CTNND2: variants seen among roughly 807,000 people sequenced by gnomAD.
CTNND2 encodes catenin delta 2.
In CTNND2, 22 loss-of-function variants were observed where a neutral mutation model predicts 144.4. That is an observed-to-expected ratio of 0.15 (90% CI 0.11 to 0.22). CTNND2 has a LOEUF of 0.22. Among genes scored for constraint, CTNND2 ranks in the 10% least tolerant of loss-of-function variants. The pLI, the probability that CTNND2 is intolerant of heterozygous loss-of-function variation, is 1.00. For synonymous variants in CTNND2, 751 were observed against 695.6 expected, an observed-to-expected ratio of 1.08 and a Z score of -1.25; for missense variants, 1,353 against 1,618.8, an observed-to-expected ratio of 0.84 and a Z score of 2.82.
At chr5:11,894,393 T>A (rs1399159908) in intron 1 of CTNND2, among the ~76,000 whole-genome samples, 1 of 152,216 alleles carries the variant, frequency 6.6e-6, no homozygotes, top group Non-Finnish European at 1.5e-5. Context: ...GAATTACTTC[T>A]ACGGATGGAT....
chr5:11,554,701 TTTC>T (rs1340650919), intron 3 of CTNND2, among the ~76,000 whole-genome samples: 4 of 152,086 alleles, frequency 2.6e-5, no homozygotes, highest in Non-Finnish European at 5.9e-5. Context: ...CTATCATCCT[TTTC>T]TTAAGATCAG....
chr5:11,603,510 CT>C (rs1384951563), intron 2 of CTNND2, among the ~76,000 whole-genome samples: 72 of 152,238 alleles, frequency 4.7e-4, no homozygotes, highest in African/African-American at 1.7e-3. Context: ...CACATTCCTG[CT>C]TTGACAGTGA....
chr5:11,342,081 G>GGTGT (rs142431478), intron 9 of CTNND2, among the ~76,000 whole-genome samples: 4 of 151,256 alleles, frequency 2.6e-5, no homozygotes, highest in African/African-American at 4.8e-5. Context: ...CATGCGCGTG[G>GGTGT]GTGTGTGTGT....
chr5:11,442,200 G>T (rs1244399329), intron 3 of CTNND2, among the ~76,000 whole-genome samples: 1 of 151,888 alleles, frequency 6.6e-6, no homozygotes, highest in Non-Finnish European at 1.5e-5. Context: ...TATTTATTTT[G>T]CATCTTATTA....
chr5:11,711,772 C>T (rs1786047769), intron 2 of CTNND2, among the ~76,000 whole-genome samples: 1 of 152,186 alleles, frequency 6.6e-6, no homozygotes. Context: ...CTTGATCTTT[C>T]ACACTTTGCC....
chr5:11,250,479 CTCTCTCTCTCTCTATA>C (rs1743457791), intron 9 of CTNND2, among the ~76,000 whole-genome samples: 1 of 63,634 alleles, frequency 1.6e-5, no homozygotes, highest in African/African-American at 9.5e-5. Context: ...CTCTCTCTCT[CTCTCTCTCTCTCTATA>C]TATATATATA....
At chr5:11,229,582 T>C (rs1483131192) in intron 10 of CTNND2, among the ~76,000 whole-genome samples, 1 of 151,958 alleles carries the variant, frequency 6.6e-6, no homozygotes, top group Non-Finnish European at 1.5e-5. Flanking sequence ...TATATGCCAC[T>C]TGAAAATGTG....
intron 9 of CTNND2, among the ~76,000 whole-genome samples, chr5:11,255,287 TG>T (rs1187519465): frequency 1.3e-5 from 2 of 151,804 alleles, no homozygotes; most frequent in Non-Finnish European, 2.9e-5. Flanking sequence ...AGTGAGGACT[TG>T]TCACATCGGC....
intron 2 of CTNND2, among the ~76,000 whole-genome samples, chr5:11,676,364 G>A (rs564674063): frequency 6.6e-5 from 10 of 151,960 alleles, no homozygotes; most frequent in East Asian, 3.9e-4. Flanking sequence ...TGATTTACAC[G>A]TATCATATAT....
Position 11,203,505 on chromosome 5 carries a change from C to T in CTNND2, c.1762-3844G>A, listed in dbSNP as rs529417170. Among the ~76,000 whole-genome samples, 188 of 152,192 alleles carry T rather than the reference C, an allele frequency of 1.2e-3. 1 individual carries two copies. Among genetic ancestry groups the T allele is most frequent in the African/African-American group, 4.4e-3 (181 of 41,548 alleles). ...TCACCCAGGCTGGAGTGCAGTGGCG[C>T]GATCTTGGCTCACTGCAACCTCCGC... is the stretch of plus-strand genomic sequence containing the variant. On this transcript the variant is annotated intron_variant, in intron 10 of 21. Transcript: ENST00000304623.
chr5:11,263,264 T>G (rs181587396), intron 9 of CTNND2, among the ~76,000 whole-genome samples: 1 of 152,348 alleles, frequency 6.6e-6, no homozygotes, highest in East Asian at 1.9e-4. Flanking sequence ...TTTTGTATAA[T>G]GGCCCATTTC....
intron 1 of CTNND2, among the ~76,000 whole-genome samples, chr5:11,858,040 A>G (rs1795331854): frequency 6.6e-6 from 1 of 152,222 alleles, no homozygotes; most frequent in Admixed American, 6.5e-5. Flanking sequence ...TACTCCCTCA[A>G]AATGACTGCA....
At chr5:11,126,232 C>T (rs923973058) in intron 12 of CTNND2, among the ~76,000 whole-genome samples, 22 of 152,026 alleles carry the variant, frequency 1.4e-4, no homozygotes, top group African/African-American at 4.8e-4. Flanking sequence ...ACCCGGGATG[C>T]GGAGGTTGCG....
At chr5:11,598,406 G>A (rs894161058) in intron 2 of CTNND2, among the ~76,000 whole-genome samples, 1 of 151,934 alleles carries the variant, frequency 6.6e-6, no homozygotes, top group African/African-American at 2.4e-5. Flanking sequence ...ACTCCAGGGG[G>A]GTCTCCTACC....
chr5:11,231,910 A>G (rs1235352924), intron 10 of CTNND2, among the ~76,000 whole-genome samples: 1 of 152,216 alleles, frequency 6.6e-6, no homozygotes, highest in Non-Finnish European at 1.5e-5. Context: ...TGCTCTGTGC[A>G]GCCTCAGGAC....
chr5:10,985,945 TACCACC>T (rs976311721), intron 20 of CTNND2, among the ~76,000 whole-genome samples: 1 of 152,102 alleles, frequency 6.6e-6, no homozygotes, highest in Non-Finnish European at 1.5e-5. Context: ...TCACCCTCAC[TACCACC>T]ACCACCACCA....
At chr5:11,777,223 T>G (rs1790305455) in intron 1 of CTNND2, among the ~76,000 whole-genome samples, 1 of 152,196 alleles carries the variant, frequency 6.6e-6, no homozygotes, top group Non-Finnish European at 1.5e-5. Flanking sequence ...AATTTGCCCT[T>G]CAGCTACAAA....
chr5:11,883,898 T>C (rs956052330), intron 1 of CTNND2, among the ~76,000 whole-genome samples: 1 of 152,254 alleles, frequency 6.6e-6, no homozygotes, highest in Non-Finnish European at 1.5e-5. Context: ...TGGTATCTCA[T>C]TGTGGTTTTG....
chr5:11,424,235 G>A (rs1294578840), intron 3 of CTNND2, among the ~76,000 whole-genome samples: 2 of 152,170 alleles, frequency 1.3e-5, no homozygotes, highest in Non-Finnish European at 2.9e-5. Flanking sequence ...ACTCTCAAGG[G>A]AATTGCGCTG....
Sources: gnomAD v4.1 joint callset for allele counts (sites outside exome capture counted in the v4.1 genomes callset) on GRCh38, gnomAD v4.1.1 for gene constraint, MANE v1.5 for transcripts, NCBI Gene and HGNC (gene_info 2026-07-23, HGNC 2026-07-21) for gene names.